The following TET2 variants were observed in gnomAD, a reference collection of about 807,000 sequenced individuals.
TET2 encodes the protein tet methylcytosine dioxygenase 2, also known as methylcytosine dioxygenase TET2.
In TET2, 299 loss-of-function variants were observed where a neutral mutation model predicts 142.9. The observed-to-expected ratio is 2.09, with a 90% CI of 1.90 to 2.30. TET2 has a LOEUF of 2.30. Ranked by LOEUF, TET2 falls within the 30% of genes most tolerant of loss-of-function variation. TET2 has a pLI of 0.00. For synonymous variants in TET2, 819 were observed against 849.0 expected (o/e 0.96, Z 0.61); for missense variants, 2,418 against 2,378.0 (o/e 1.02, Z -0.35).
chr4:105,277,421 C>T lies in TET2; in HGVS notation c.*902C>T, dbSNP rs1731275402. The T allele has an allele frequency of 4.4e-6, 1 of 226,064 alleles. No homozygotes were observed. Among genetic ancestry groups the T allele is most frequent in the African/African-American group, 2.2e-5 (1 of 44,972 alleles). The allele number at this position is 226,064 out of a possible 1,614,324, so 14.0% of individuals were successfully genotyped here. A position where few individuals can be genotyped will look rare whatever the true frequency, so the allele number is the denominator to read the frequency against. ...TATTTTAAATGGTGTTTTAGAAGCA[C>T]TTTGTCTACCTAAGCTTTGACAACT... On this transcript the variant is annotated 3_prime_UTR_variant, in exon 11 of 11. Coordinates refer to ENST00000380013, the MANE Select transcript of TET2 (RefSeq NM_001127208.3).
intron 2 of TET2, among the ~76,000 whole-genome samples, chr4:105,192,716 T>A (rs1195893238): frequency 1.3e-5 from 2 of 152,148 alleles, no homozygotes; most frequent in East Asian, 3.8e-4. Context: ...CTTGTTGAGC[T>A]TAGAATCCAT....
rs776360253 is a variant in TET2 at position 105,236,609 on chromosome 4, G to A, written c.2667G>A (p.Lys889=). 8.1e-6 allele frequency: 13 copies of A among 1,613,972 alleles called. No individual in the cohort carries two copies. The African/African-American group carries it at 1.3e-4, about 17-fold the overall frequency. ...LHRCFQEQEQ[K]SQQASVLQGY... Reference sequence around the variant, plus strand: ...GGTGCTTTCAAGAACAGGAGCAGAAGTCACAACAAGCTTCAGTTCTACAGG... The same window carrying A: ...GGTGCTTTCAAGAACAGGAGCAGAAATCACAACAAGCTTCAGTTCTACAGG... Residue 889 remains lysine (K), a synonymous_variant, in exon 3 of 11, where the codon AAG becomes AAA. Transcript: ENST00000380013.
intron 2 of TET2, among the ~76,000 whole-genome samples, chr4:105,194,850 A>T (rs957845588): frequency 6.6e-6 from 1 of 152,152 alleles, no homozygotes; most frequent in African/African-American, 2.4e-5. Context: ...TCCATTACAC[A>T]TGCCACATGG....
At chr4:105,203,871 G>GT (rs935571112) in intron 2 of TET2, among the ~76,000 whole-genome samples, 2 of 152,024 alleles carry the variant, frequency 1.3e-5, no homozygotes, top group Admixed American at 1.3e-4. Flanking sequence ...TCCCACCCCT[G>GT]TTTTTTAATG....
Position 105,275,830 on chromosome 4 carries a change from A to G in TET2, c.5320A>G (p.Asn1774Asp), listed in dbSNP as rs747944103. The change falls in exon 11 of 11, where the codon AAC (asparagine) becomes GAC (aspartate). Residue 1774 changes from asparagine to aspartate, a missense_variant. Coordinates refer to ENST00000380013, the MANE Select transcript of TET2 (RefSeq NM_001127208.3). Reference sequence around the variant, plus strand: ...CTACAGTGCAGCTCCGGGCATGTTCAACAGCTCTCTTCATGCCCTGCATCT... The same window carrying G: ...CTACAGTGCAGCTCCGGGCATGTTCGACAGCTCTCTTCATGCCCTGCATCT... The part of the protein sequence containing the change: ...HNYSAAPGMF[N>D]SSLHALHLQN... 2.6e-6 allele frequency: 4 copies of G among 1,551,828 alleles called. No homozygotes were observed. Among genetic ancestry groups the G allele is most frequent in the Non-Finnish European group, 3.5e-6 (4 of 1,147,000 alleles).
chr4:105,214,813 C>T (rs1477926787), intron 2 of TET2, among the ~76,000 whole-genome samples: 1 of 152,126 alleles, frequency 6.6e-6, no homozygotes, highest in Non-Finnish European at 1.5e-5. Flanking sequence ...CCTTATACTT[C>T]ACCCTAAGCA....
At chr4:105,222,700 G>A (rs941102046) in intron 2 of TET2, among the ~76,000 whole-genome samples, 1 of 152,104 alleles carries the variant, frequency 6.6e-6, no homozygotes, top group African/African-American at 2.4e-5. Context: ...CTTTTGCTGT[G>A]CAGAAGCTCT....
At chr4:105,182,965 T>C (rs1042361960) in intron 1 of TET2, among the ~76,000 whole-genome samples, 3 of 152,210 alleles carry the variant, frequency 2.0e-5, no homozygotes, top group Non-Finnish European at 4.4e-5. Context: ...TAAAAATTCA[T>C]TCTTTCCATC....
Position 105,275,225 on chromosome 4 carries a change from G to A in TET2, c.4715G>A (p.Arg1572Gln), listed in dbSNP as rs201570239. 399 of 1,552,026 alleles carry A rather than the reference G, an allele frequency of 2.6e-4. No individual in the cohort carries two copies. Among genetic ancestry groups the A allele is most frequent in the Non-Finnish European group, 3.3e-4 (381 of 1,147,090 alleles). ...GGATCCACCAATCCATACATGAGAC[G>A]GCCCAATCCAGTTAGTCCTTATCCA... ...ASGSTNPYMR[R>Q]PNPVSPYPNS... The change falls in exon 11 of 11, where the codon CGG (arginine) becomes CAG (glutamine). Residue 1572 changes from arginine to glutamine, a missense_variant. Transcript: ENST00000380013.
intron 2 of TET2, among the ~76,000 whole-genome samples, chr4:105,233,402 G>A (rs79619992): frequency 4.4e-4 from 24 of 54,722 alleles, no homozygotes; most frequent in African/African-American, 9.1e-4. Flanking sequence ...AAAAAAAAAA[G>A]CTACTGCAGT....
chr4:105,165,142 A>G (rs1467339168), intron 1 of TET2, among the ~76,000 whole-genome samples: 1 of 152,160 alleles, frequency 6.6e-6, no homozygotes, highest in Non-Finnish European at 1.5e-5. Context: ...TGGGAGGCCG[A>G]GGCGGGCAGA....
At chr4:105,148,352 A>G (rs1293695922) in intron 1 of TET2, among the ~76,000 whole-genome samples, 1 of 152,228 alleles carries the variant, frequency 6.6e-6, no homozygotes, top group African/African-American at 2.4e-5. Context: ...AATTTAGTGC[A>G]TAAAATTTAG....
intron 2 of TET2, among the ~76,000 whole-genome samples, chr4:105,229,065 G>A (rs1389315721): frequency 6.6e-6 from 1 of 152,076 alleles, no homozygotes; most frequent in African/African-American, 2.4e-5. Context: ...ATTTAAAATA[G>A]TTCAACATGT....
chr4:105,244,130 G>A (rs1578692856), intron 6 of TET2, among the ~76,000 whole-genome samples: 1 of 152,290 alleles, frequency 6.6e-6, no homozygotes, highest in East Asian at 1.9e-4. Flanking sequence ...CCACTTCCAT[G>A]TTGCAGTATC....
At chr4:105,157,096 C>T (rs984341850) in intron 1 of TET2, among the ~76,000 whole-genome samples, 8 of 152,148 alleles carry the variant, frequency 5.3e-5, no homozygotes, top group South Asian at 4.1e-4. Flanking sequence ...CTCCTATATA[C>T]ATTATAACAG....
chr4:105,249,444 T>A (rs181147399), intron 6 of TET2, among the ~76,000 whole-genome samples: 53 of 152,352 alleles, frequency 3.5e-4, no homozygotes, highest in African/African-American at 1.3e-3. Context: ...ATGTTTTCAG[T>A]TACCTTGGGA....
rs551601253 is a variant in TET2, at chr4:105,165,096, C to T, written c.-193+18117C>T. On this transcript the variant is annotated intron_variant, in intron 1 of 10. Coordinates refer to ENST00000380013, the MANE Select transcript of TET2 (RefSeq NM_001127208.3). Reference sequence around the variant, plus strand: ...ACCTTGCTTAAAGATAGATGATAGCCGGGTGTGGTGGCTCAGACCTGTAAT... The same window carrying T: ...ACCTTGCTTAAAGATAGATGATAGCTGGGTGTGGTGGCTCAGACCTGTAAT... Among the ~76,000 whole-genome samples the T allele has an allele frequency of 1.6e-4, 24 of 152,098 alleles. No individual in the cohort carries two copies. The South Asian group carries it at 4.4e-3, about 28-fold the overall frequency.
At chr4:105,250,643 T>C (rs1729827426) in intron 6 of TET2, among the ~76,000 whole-genome samples, 1 of 152,140 alleles carries the variant, frequency 6.6e-6, no homozygotes, top group Admixed American at 6.5e-5. Flanking sequence ...TTTCCATTTA[T>C]TCTTAAATTT....
chr4:105,242,834 G>T lies in TET2; in HGVS notation c.3501G>T (p.Arg1167Ser), dbSNP rs1432470327. 2 of 1,550,434 alleles carry T rather than the reference G, an allele frequency of 1.3e-6. No individual in the cohort carries two copies. Among genetic ancestry groups the T allele is most frequent in the Non-Finnish European group, 1.7e-6 (2 of 1,146,660 alleles). ...GTGTGTTTCTGTGGGTTTCTTTAAG[G>T]TTTGGACAGAAGGGTAAAGCTATTA... ...VAAIREIMEE[R>S]FGQKGKAIRI... Residue 1167 changes from arginine to serine, a missense_variant and splice_region_variant, in exon 5 of 11, where the codon AGG (arginine) becomes AGT (serine). Physicochemically the swap from Arg to Ser is moderately radical, Grantham distance 110. Transcript: ENST00000380013.
Sources: gnomAD v4.1 joint callset for allele counts (sites outside exome capture counted in the v4.1 genomes callset) on GRCh38, gnomAD v4.1.1 for gene constraint, MANE v1.5 for transcripts, NCBI Gene and HGNC (gene_info 2026-07-23, HGNC 2026-07-21) for gene names.